SACS: variants seen among roughly 807,000 people sequenced by gnomAD.
SACS encodes sacsin.
A neutral mutation model predicts 348.0 loss-of-function variants in SACS; 197 were observed. The ratio of observed to expected loss-of-function variants is 0.57; its 90% CI spans 0.50 to 0.64. SACS has a LOEUF of 0.64. Among genes scored for constraint, SACS ranks in the 30% least tolerant of loss-of-function variants. The pLI, the probability that SACS is intolerant of heterozygous loss-of-function variation, is 0.00. For synonymous variants in SACS, 1,985 were observed against 1,910.6 expected (o/e 1.04, Z -1.02); for missense variants, 4,999 against 5,360.8 (o/e 0.93, Z 2.11).
Position 23,353,380 on chromosome 13 carries a change from G to A in SACS, c.2185+405C>T, listed in dbSNP as rs533123975. On this transcript the variant is annotated intron_variant, in intron 9 of 9. Coordinates refer to ENST00000382292, the MANE Select transcript of SACS (RefSeq NM_014363.6). ...GGGCAAGTGGAAGACCTGACCTCTC[G>A]GCACTTGGCTGGTGGTCTTGATCTT... Among the ~76,000 whole-genome samples, 17 of 152,272 alleles carry A rather than the reference G, an allele frequency of 1.1e-4. No individual in the cohort carries two copies. In the South Asian group the frequency reaches 2.1e-3, roughly 19 times the overall value.
chr13:23,336,962 T>C lies in SACS; in HGVS notation c.6914A>G (p.Asp2305Gly). 1 of 1,614,014 alleles carries C rather than the reference T, an allele frequency of 6.2e-7. No individual in the cohort carries two copies. The highest frequency in any genetic ancestry group is 1.7e-5 in the Admixed American group (1 of 60,018). ...CTCCTGGTACAGTGTAATTCCATCA[T>C]CAACTGATTTTGCTACTTCTTTCAA... is the stretch of plus-strand genomic sequence containing the variant. Reference protein sequence around the residue: ...NQLKEVAKSVDDGITLYQENI... With the variant: ...NQLKEVAKSVGDGITLYQENI... Residue 2305 changes from aspartate (D) to glycine (G), a missense_variant, in exon 10 of 10, where the codon GAT (aspartate) becomes GGT (glycine). Physicochemically the swap from Asp to Gly is moderately conservative, Grantham distance 94. Around this residue, in one of 6 missense-constraint regions of SACS, gnomAD observed 3,156 missense variants for 3,380.1 expected, o/e 0.93. Coordinates refer to ENST00000382292, the MANE Select transcript of SACS (RefSeq NM_014363.6).
At chr13:23,365,640 C>T (rs1035619410) in intron 5 of SACS, among the ~76,000 whole-genome samples, 2 of 152,190 alleles carry the variant, frequency 1.3e-5, no homozygotes, top group Non-Finnish European at 2.9e-5. Context: ...TCCTGTGTGG[C>T]AGGTAACTTA....
In SACS at chr13:23,428,815, T is replaced by C. The variant is rs372892422; in HGVS notation, c.-502+4800A>G. 9 of 152,330 alleles carry C rather than the reference T, an allele frequency of 5.9e-5. No individual in the cohort carries two copies. In the East Asian group the frequency reaches 1.5e-3, roughly 26 times the overall value. 9.4% of individuals were successfully genotyped at this position (152,330 alleles called of 1,614,324 possible). ...CAAGAATATCTTATTCACCTTTGACTCTCCTACTTAGGTTTATGGATACAG... is the reference window on the plus strand; with the variant it reads ...CAAGAATATCTTATTCACCTTTGACCCTCCTACTTAGGTTTATGGATACAG... On this transcript the variant is annotated intron_variant, in intron 1 of 9. Coordinates refer to ENST00000382292, the MANE Select transcript of SACS (RefSeq NM_014363.6).
At position 23,368,543 on chromosome 13, in the gene SACS, C is replaced by A. The variant is rs540884908; in HGVS notation, c.260-56G>T. The A allele has an allele frequency of 1.0e-5, 13 of 1,249,104 alleles. No homozygotes were observed. In the African/African-American group the frequency reaches 1.2e-4, roughly 11 times the overall value. 77.4% of individuals were successfully genotyped at this position (1,249,104 alleles called of 1,614,324 possible). On this transcript the variant is annotated intron_variant, in intron 4 of 9. Coordinates refer to ENST00000382292, the MANE Select transcript of SACS (RefSeq NM_014363.6). Reference sequence around the variant, plus strand: ...AGAAAAAAAATCCCATGAATTGTCACCAATGTGTGACTTGAATCTGAGACA... The same window carrying A: ...AGAAAAAAAATCCCATGAATTGTCAACAATGTGTGACTTGAATCTGAGACA...
intron 9 of SACS, among the ~76,000 whole-genome samples, chr13:23,343,946 C>A (rs1433189061): frequency 6.6e-6 from 1 of 152,032 alleles, no homozygotes; most frequent in African/African-American, 2.4e-5. Flanking sequence ...GTGTCAATAC[C>A]CAAATTCAGA....
rs993940504 is a variant in SACS, at chr13:23,388,077, C to A, written c.21-12808G>T. Among the ~76,000 whole-genome samples, 42 of 152,294 alleles carry A rather than the reference C, an allele frequency of 2.8e-4. 1 individual carries two copies. Among genetic ancestry groups the A allele is most frequent in the African/African-American group, 9.9e-4 (41 of 41,572 alleles). On this transcript the variant is annotated intron_variant, in intron 2 of 9. Coordinates refer to ENST00000382292, the MANE Select transcript of SACS (RefSeq NM_014363.6). ...ACTAAAAGTAGATCTGCCATTCAAT[C>A]CAGCAATCCTGCTACGGGGTATCCA...
chr13:23,335,591 A>C lies in SACS; in HGVS notation c.8285T>G (p.Leu2762Arg). 1.2e-6 allele frequency: 2 copies of C among 1,613,872 alleles called. No homozygotes were observed. The highest frequency in any genetic ancestry group is 1.7e-6 in the Non-Finnish European group (2 of 1,179,900). ...IDKSTGALNV[L>R]YSVKGKITDG... ...TGTGATTTTGCCCTTTACTGAATAC[A>C]GCACATTTAGAGCTCCAGTACTCTT... is the stretch of plus-strand genomic sequence containing the variant. The change falls in exon 10 of 10, where the codon CTG (leucine) becomes CGG (arginine). Residue 2762 changes from leucine (L) to arginine (R), a missense_variant. Coordinates refer to ENST00000382292, the MANE Select transcript of SACS (RefSeq NM_014363.6). The surrounding 1 kb of genome is among the most constrained non-coding windows in gnomAD (Gnocchi z 4.7).
At chr13:23,377,880 G>C (rs1031494289) in intron 2 of SACS, among the ~76,000 whole-genome samples, 6 of 152,196 alleles carry the variant, frequency 3.9e-5, no homozygotes, top group South Asian at 4.1e-4. Flanking sequence ...GTAGTCCCAA[G>C]AGTAGATCCT....
At chr13:23,396,742 C>G (rs552733322) in intron 2 of SACS, among the ~76,000 whole-genome samples, 3 of 152,176 alleles carry the variant, frequency 2.0e-5, no homozygotes, top group African/African-American at 7.2e-5. Context: ...TGTATGTTAA[C>G]TGAAAATAGT....
chr13:23,371,083 C>T lies in SACS; in HGVS notation c.254G>A (p.Gly85Glu), dbSNP rs1871360728. ...TGGTAAAGTCAATATTATACCTCCC[C>T]CTTTTAAGCCTTTTGATTGAAGGTT... ...FVNLQSKGLK[G>E]GGRFGQTTPP... is the part of the protein sequence containing the mutation. The change falls in exon 4 of 10, where the codon GGG becomes GAG. Residue 85 changes from glycine (G) to glutamate (E), a missense_variant. Around this residue, in one of 6 missense-constraint regions of SACS, gnomAD observed 3,156 missense variants for 3,380.1 expected, o/e 0.93. Coordinates refer to ENST00000382292, the MANE Select transcript of SACS (RefSeq NM_014363.6). 1 of 1,590,318 alleles carries T rather than the reference C, an allele frequency of 6.3e-7. No homozygotes were observed. The highest frequency in any genetic ancestry group is 1.1e-5 in the South Asian group (1 of 90,298).
chr13:23,372,862 T>C (rs573995911), intron 3 of SACS, among the ~76,000 whole-genome samples: 24 of 152,318 alleles, frequency 1.6e-4, no homozygotes, highest in East Asian at 9.7e-4. Context: ...TGTGGCAATT[T>C]TGACTTTTGC....
chr13:23,337,125 G>T lies in SACS; in HGVS notation c.6751C>A (p.Gln2251Lys), dbSNP rs747293426. Reference sequence around the variant, plus strand: ...GGTTGCAAAAGACAAACTATATCTTGATGTTCAGCTGTATAAAGGTCAGTT... The same window carrying T: ...GGTTGCAAAAGACAAACTATATCTTTATGTTCAGCTGTATAAAGGTCAGTT... Reference protein sequence around the residue: ...AATDLYTAEHQDIVCLLQPIL... With the variant: ...AATDLYTAEHKDIVCLLQPIL... The change falls in exon 10 of 10, where the codon CAA becomes AAA. Residue 2251 changes from glutamine to lysine, a missense_variant. By Grantham distance (53) the Gln-to-Lys change is moderately conservative (BLOSUM62 1). Coordinates refer to ENST00000382292, the MANE Select transcript of SACS (RefSeq NM_014363.6). 7.4e-6 allele frequency: 12 copies of T among 1,613,960 alleles called. No homozygotes were observed. The East Asian group carries it at 2.7e-4, about 36-fold the overall frequency.
intron 1 of SACS, among the ~76,000 whole-genome samples, chr13:23,423,994 A>G (rs1874058483): frequency 6.6e-6 from 1 of 152,326 alleles, no homozygotes; most frequent in South Asian, 2.1e-4. Context: ...GTGCTGTTTT[A>G]TATCACTGAA....
Position 23,339,004 on chromosome 13 carries a change from T to TA in SACS, c.4871dup (p.Phe1625IlefsTer16). On this transcript the variant is annotated frameshift_variant, in exon 10 of 10. Coordinates refer to ENST00000382292, the MANE Select transcript of SACS (RefSeq NM_014363.6). LOFTEE classifies it high-confidence loss of function. ...CAGTCAAAGGTAACTGACAGCCAAA[T>TA]ACATCTATAAATGGTTTGAACTGAT... is the stretch of plus-strand genomic sequence containing the variant. The TA allele has an allele frequency of 6.2e-7, 1 of 1,613,884 alleles. No homozygotes were observed. Among genetic ancestry groups the TA allele is most frequent in the Non-Finnish European group, 8.5e-7 (1 of 1,179,926 alleles).
chr13:23,335,925 G>A lies in SACS; in HGVS notation c.7951C>T (p.His2651Tyr), dbSNP rs1199920105. 1.9e-6 allele frequency: 3 copies of A among 1,612,846 alleles called. No homozygotes were observed. Among genetic ancestry groups the A allele is most frequent in the Non-Finnish European group, 1.7e-6 (2 of 1,179,004 alleles). Residue 2651 changes from histidine (H) to tyrosine (Y), a missense_variant, in exon 10 of 10, where the codon CAT becomes TAT. His to Tyr is a moderately conservative substitution (Grantham distance 83). Around this residue, in one of 6 missense-constraint regions of SACS, gnomAD observed 3,156 missense variants for 3,380.1 expected, o/e 0.93. Coordinates refer to ENST00000382292, the MANE Select transcript of SACS (RefSeq NM_014363.6). The surrounding 1 kb of genome is among the most constrained non-coding windows in gnomAD (Gnocchi z 4.7). Reference sequence around the variant, plus strand: ...GTGGCCCCTGGTGCATATCTGGCATGAGGATCAAAAATACACAGGATGTCA... The same window carrying A: ...GTGGCCCCTGGTGCATATCTGGCATAAGGATCAAAAATACACAGGATGTCA... ...GNDILCIFDP[H>Y]ARYAPGATSI...
chr13:23,402,709 T>A (rs1027687539), intron 2 of SACS, among the ~76,000 whole-genome samples: 5 of 152,214 alleles, frequency 3.3e-5, no homozygotes, highest in African/African-American at 1.2e-4. Context: ...GAAATCTGCC[T>A]GGTACCTTGC....
chr13:23,368,496 C>T lies in SACS; in HGVS notation c.260-9G>A, dbSNP rs376676263. ...TGTCTGACCAAATCGACCTAAAATA[C>T]GGAGCACATTTTAAGTGAGTTAGAA... On this transcript the variant is annotated splice_polypyrimidine_tract_variant and intron_variant, in intron 4 of 9. Transcript: ENST00000382292. The T allele has an allele frequency of 7.6e-5, 122 of 1,605,294 alleles. No homozygotes were observed. In the African/African-American group the frequency reaches 1.4e-3, roughly 18 times the overall value.
chr13:23,392,427 G>A (rs1872561551), intron 2 of SACS, among the ~76,000 whole-genome samples: 1 of 152,202 alleles, frequency 6.6e-6, no homozygotes, highest in Non-Finnish European at 1.5e-5. Flanking sequence ...CCTGTGAAAT[G>A]ACAGGCACTT....
chr13:23,431,181 A>G (rs1245117849), intron 1 of SACS, among the ~76,000 whole-genome samples: 1 of 152,278 alleles, frequency 6.6e-6, no homozygotes, highest in Admixed American at 6.5e-5. Context: ...AGGCTACCCC[A>G]AAGAGAGCTA....
Sources: gnomAD v4.1 joint callset for allele counts (sites outside exome capture counted in the v4.1 genomes callset) on GRCh38, gnomAD v4.1.1 for gene constraint, gnomAD v4.1.1 regional missense constraint, Gnocchi (gnomAD v3.1) non-coding constraint, MANE v1.5 for transcripts, NCBI Gene and HGNC (gene_info 2026-07-23, HGNC 2026-07-21) for gene names.